Variants in DPYD observed in about 807,000 individuals in gnomAD.
DPYD encodes dihydropyrimidine dehydrogenase.
Under a neutral mutation model 116.2 loss-of-function variants are expected in DPYD, and 109 were observed. The observed-to-expected ratio is 0.94, with a 90% CI of 0.80 to 1.10. The LOEUF (loss-of-function observed/expected upper bound fraction) is 1.10, where lower values mean the gene tolerates loss of function less well. Ranked by LOEUF, DPYD falls within the 50% of genes least tolerant of loss-of-function variation. DPYD has a pLI of 0.00. For missense variants in DPYD, 1,302 were observed against 1,254.5 expected (o/e 1.04, Z -0.57); for synonymous variants, 440 against 432.0 (o/e 1.02, Z -0.23).
chr1:97,547,379 A>T (rs1258700623), intron 12 of DPYD, among the ~76,000 whole-genome samples: 2 of 152,082 alleles, frequency 1.3e-5, no homozygotes, highest in Non-Finnish European at 2.9e-5. Flanking sequence ...CCTCTGTCTG[A>T]GGCAATAAAC....
intron 5 of DPYD, among the ~76,000 whole-genome samples, chr1:97,700,530 A>G (rs947104536): frequency 2.0e-5 from 3 of 151,962 alleles, no homozygotes; most frequent in Admixed American, 6.6e-5. Flanking sequence ...CCTTGAGTCA[A>G]CTCAGCCCTG....
chr1:97,153,552 G>A (rs1390700576), intron 20 of DPYD, among the ~76,000 whole-genome samples: 1 of 151,918 alleles, frequency 6.6e-6, no homozygotes, highest in East Asian at 1.9e-4. Context: ...AGTTCTAGAA[G>A]GTGACATTAA....
chr1:97,420,528 A>T (rs1674524475), intron 14 of DPYD, among the ~76,000 whole-genome samples: 1 of 151,942 alleles, frequency 6.6e-6, no homozygotes, highest in African/African-American at 2.4e-5. Flanking sequence ...TGCAAGCAGG[A>T]TCATATAATT....
chr1:97,083,568 A>G (rs1649312742), intron 21 of DPYD, among the ~76,000 whole-genome samples: 1 of 151,900 alleles, frequency 6.6e-6, no homozygotes, highest in Admixed American at 6.6e-5. Context: ...TGTCTTCCCT[A>G]TTTTCTTTAT....
Position 97,200,382 on chromosome 1 carries a change from A to T in DPYD, c.2443-7134T>A, listed in dbSNP as rs1659120910. ...TTCTATTGGAGAATTACTACATTTA[A>T]GCAAAAACGGAAATTCTTCTGCAAT... On this transcript the variant is annotated intron_variant, in intron 19 of 22. Coordinates refer to ENST00000370192, the MANE Select transcript of DPYD (RefSeq NM_000110.4). Among the ~76,000 whole-genome samples the T allele has an allele frequency of 2.0e-5, 3 of 152,182 alleles. No homozygotes were observed. In the South Asian group the frequency reaches 6.2e-4, roughly 32 times the overall value.
chr1:97,826,019 CAAT>C (rs1669222868), intron 3 of DPYD, among the ~76,000 whole-genome samples: 6 of 92,780 alleles, frequency 6.5e-5, no homozygotes, highest in African/African-American at 1.8e-4. Context: ...CAGACATTAC[CAAT>C]AATGTGTGTC....
Position 97,880,533 on chromosome 1 carries a change from G to C in DPYD, c.150+2731C>G, listed in dbSNP as rs536041064. ...TTCACTTTTGGGAATAAACCTTACT[G>C]CTCTGAGAAATTCATGAATGTCACA... On this transcript the variant is annotated intron_variant, in intron 2 of 22. Transcript: ENST00000370192. Among the ~76,000 whole-genome samples the C allele has an allele frequency of 6.6e-5, 10 of 151,362 alleles. No individual in the cohort carries two copies. In the South Asian group the frequency reaches 2.1e-3, roughly 32 times the overall value.
Position 97,724,299 on chromosome 1 carries a change from GGGGGGGGGGTGTGTGTGTGTGT to G in DPYD, c.322-2650_322-2629del, listed in dbSNP as rs1406886616. 2.8e-3 allele frequency among the ~76,000 whole-genome samples: 43 copies of G among 15,376 alleles called. 1 individual carries two copies. The highest frequency in any genetic ancestry group is 9.9e-3 in the African/African-American group (39 of 3,952). 10.1% of individuals were successfully genotyped at this position (15,376 alleles called of 152,430 possible). A position where few individuals can be genotyped will look rare whatever the true frequency, so the allele number is the denominator to read the frequency against. ...AGAAAGAATAGGATGTATGTGGGGG[GGGGGGGGGGTGTGTGTGTGTGT>G]GTGTGTGTGTGTGTGTGTGTGTGTG... On this transcript the variant is annotated intron_variant, in intron 4 of 22. Transcript: ENST00000370192.
intron 18 of DPYD, among the ~76,000 whole-genome samples, chr1:97,285,575 T>G (rs1057417896): frequency 6.6e-6 from 1 of 152,136 alleles, no homozygotes; most frequent in African/African-American, 2.4e-5. Context: ...CTGAATCCCA[T>G]CACTCAAAGT....
At chr1:97,622,730 A>C (rs1656703400) in intron 8 of DPYD, among the ~76,000 whole-genome samples, 1 of 152,074 alleles carries the variant, frequency 6.6e-6, no homozygotes. Flanking sequence ...AACTGTTCTA[A>C]AATAAAAAAG....
chr1:97,177,172 A>T (rs1267119953), intron 20 of DPYD, among the ~76,000 whole-genome samples: 1 of 152,144 alleles, frequency 6.6e-6, no homozygotes, highest in Non-Finnish European at 1.5e-5. Context: ...GGGCACAATT[A>T]TATTACTGTT....
intron 12 of DPYD, among the ~76,000 whole-genome samples, chr1:97,517,627 G>A (rs1293118338): frequency 1.3e-5 from 2 of 152,108 alleles, no homozygotes; most frequent in Non-Finnish European, 2.9e-5. Flanking sequence ...CTTAATTTAT[G>A]AAACCTTGCT....
intron 19 of DPYD, among the ~76,000 whole-genome samples, chr1:97,229,254 A>G (rs1661419466): frequency 6.7e-6 from 1 of 150,334 alleles, no homozygotes; most frequent in Non-Finnish European, 1.5e-5. Flanking sequence ...GAAGTAAAAA[A>G]AAAAAAAGAC....
intron 5 of DPYD, among the ~76,000 whole-genome samples, chr1:97,701,183 G>A (rs978804890): frequency 2.1e-5 from 3 of 145,500 alleles, no homozygotes; most frequent in Non-Finnish European, 3.0e-5. Flanking sequence ...AAAGAAAGCT[G>A]GTACATATAT....
At chr1:97,765,907 G>C (rs1665825765) in intron 3 of DPYD, among the ~76,000 whole-genome samples, 2 of 152,176 alleles carry the variant, frequency 1.3e-5, no homozygotes, top group African/African-American at 4.8e-5. Context: ...AAATGATCAT[G>C]TGTGCTGGAA....
intron 2 of DPYD, among the ~76,000 whole-genome samples, chr1:97,863,031 T>C (rs1671200430): frequency 1.3e-5 from 2 of 151,918 alleles, no homozygotes; most frequent in Non-Finnish European, 2.9e-5. Flanking sequence ...GTAATCATTA[T>C]TTTTTTAATC....
Position 97,643,130 on chromosome 1 carries a change from A to G in DPYD, c.850+35965T>C, listed in dbSNP as rs892400265. 2.0e-5 allele frequency among the ~76,000 whole-genome samples: 3 copies of G among 152,186 alleles called. No homozygotes were observed. The East Asian group carries it at 5.8e-4, about 29-fold the overall frequency. On this transcript the variant is annotated intron_variant, in intron 8 of 22. Coordinates refer to ENST00000370192, the MANE Select transcript of DPYD (RefSeq NM_000110.4). ...GAACTTCTGCACAGCAAAAGAAACTATCACCAATGAACAGGTGACCTACAG... is the reference window on the plus strand; with the variant it reads ...GAACTTCTGCACAGCAAAAGAAACTGTCACCAATGAACAGGTGACCTACAG...
chr1:97,107,623 T>C (rs1446177486), intron 20 of DPYD, among the ~76,000 whole-genome samples: 1 of 152,108 alleles, frequency 6.6e-6, no homozygotes, highest in Non-Finnish European at 1.5e-5. Context: ...CATTATCTCT[T>C]CCTTATTGCA....
chr1:97,279,201 C>G (rs184832255), intron 18 of DPYD, among the ~76,000 whole-genome samples: 96 of 152,126 alleles, frequency 6.3e-4, no homozygotes, highest in Admixed American at 1.4e-3. Flanking sequence ...ATTAAGCATA[C>G]CCCATACTTT....
Sources: allele counts gnomAD v4.1 joint callset (sites outside exome capture counted in the v4.1 genomes callset), GRCh38; gene constraint gnomAD v4.1.1; transcripts MANE v1.5; gene names NCBI Gene and HGNC (gene_info 2026-07-23, HGNC 2026-07-21).